Variants in OSBP2 observed in about 807,000 individuals in gnomAD.
OSBP2 encodes the protein oxysterol-binding protein 2.
In OSBP2, 66 loss-of-function variants were observed where a neutral mutation model predicts 96.0. The observed-to-expected ratio is 0.69, with a 90% CI of 0.56 to 0.84. The LOEUF is 0.84. OSBP2 is among the 40% of genes least tolerant of loss of function. The pLI is 0.00. For synonymous variants in OSBP2, 525 were observed against 520.9 expected, an observed-to-expected ratio of 1.01 and a Z score of -0.11; for missense variants, 1,038 against 1,222.7, an observed-to-expected ratio of 0.85 and a Z score of 2.25.
rs965497443 is a variant in OSBP2 at position 30,774,520 on chromosome 22, C to T, written c.853+33151C>T. The stretch of plus-strand genomic sequence containing the variant: ...AATGCTAGGAGCAAAAGGTGTGTCC[C>T]TAAACATTTCTGCCTTTTAAGAAAA... On this transcript the variant is annotated intron_variant, in intron 2 of 13. Coordinates refer to ENST00000332585, the MANE Select transcript of OSBP2 (RefSeq NM_030758.4). 5.3e-5 allele frequency among the ~76,000 whole-genome samples: 8 copies of T among 152,164 alleles called. No homozygotes were observed. The East Asian group carries it at 1.5e-3, about 29-fold the overall frequency.
chr22:30,789,255 T>C (rs1004341011), intron 2 of OSBP2, among the ~76,000 whole-genome samples: 5 of 152,182 alleles, frequency 3.3e-5, no homozygotes, highest in Non-Finnish European at 7.3e-5. Context: ...CTTCACTGTG[T>C]TGTCTCTGAG....
intron 2 of OSBP2, among the ~76,000 whole-genome samples, chr22:30,788,000 C>A (rs930243750): frequency 2.6e-5 from 4 of 152,134 alleles, no homozygotes; most frequent in Non-Finnish European, 4.4e-5. Flanking sequence ...GTAGGCAGAG[C>A]CAAGCTCCAT....
At chr22:30,892,224 G>A (rs1302449119) in intron 8 of OSBP2, among the ~76,000 whole-genome samples, 13 of 152,158 alleles carry the variant, frequency 8.5e-5, no homozygotes, top group Admixed American at 7.2e-4. Flanking sequence ...GCTGCAGAGC[G>A]TTTGGTGTGA....
chr22:30,786,974 A>G (rs1174742250), intron 2 of OSBP2, among the ~76,000 whole-genome samples: 2 of 151,778 alleles, frequency 1.3e-5, no homozygotes, highest in African/African-American at 2.4e-5. Flanking sequence ...AATTTTTTGT[A>G]TTTTTAGTAG....
intron 5 of OSBP2, among the ~76,000 whole-genome samples, chr22:30,888,640 G>A (rs2039870449): frequency 6.6e-6 from 1 of 152,138 alleles, no homozygotes; most frequent in Non-Finnish European, 1.5e-5. Context: ...AAGTGGGAGG[G>A]TCGCTTGAGC....
intron 2 of OSBP2, among the ~76,000 whole-genome samples, chr22:30,752,804 A>G (rs779685308): frequency 1.3e-5 from 2 of 152,130 alleles, no homozygotes; most frequent in Non-Finnish European, 2.9e-5. Flanking sequence ...AAAGAAATGT[A>G]TTTTCAGGTA....
chr22:30,874,045 T>A (rs954305239), intron 3 of OSBP2, among the ~76,000 whole-genome samples: 4 of 152,190 alleles, frequency 2.6e-5, no homozygotes. Flanking sequence ...AAGACCAGCA[T>A]GGCCAACATG....
At chr22:30,861,763 G>A (rs1414046639) in intron 2 of OSBP2, among the ~76,000 whole-genome samples, 1 of 152,114 alleles carries the variant, frequency 6.6e-6, no homozygotes, top group African/African-American at 2.4e-5. Context: ...TTATCTTTCT[G>A]GGTTCCCCAA....
At position 30,741,155 on chromosome 22, in the gene OSBP2, C is replaced by T. The variant is rs750115095; in HGVS notation, c.645-6C>T. Reference sequence around the variant, plus strand: ...CTCACCCCATTCCTTCTCTTACATCCTACAGAAATCAGGGTGAAATGGCCC... The same window carrying T: ...CTCACCCCATTCCTTCTCTTACATCTTACAGAAATCAGGGTGAAATGGCCC... On this transcript the variant is annotated splice_polypyrimidine_tract_variant and splice_region_variant and intron_variant, in intron 1 of 13. Coordinates refer to ENST00000332585, the MANE Select transcript of OSBP2 (RefSeq NM_030758.4). 6.2e-7 allele frequency: 1 copy of T among 1,611,510 alleles called. No homozygotes were observed. Among genetic ancestry groups the T allele is most frequent in the Non-Finnish European group, 8.5e-7 (1 of 1,177,782 alleles).
chr22:30,754,479 C>G (rs2090116927), intron 2 of OSBP2, among the ~76,000 whole-genome samples: 1 of 152,114 alleles, frequency 6.6e-6, no homozygotes, highest in African/African-American at 2.4e-5. Flanking sequence ...CTGTTTGGGG[C>G]TGAGGAGAGA....
chr22:30,834,358 A>G (rs1191590901), intron 2 of OSBP2, among the ~76,000 whole-genome samples: 1 of 152,238 alleles, frequency 6.6e-6, no homozygotes, highest in Non-Finnish European at 1.5e-5. Flanking sequence ...ACTCTTGGTT[A>G]TATACCAAGG....
At chr22:30,699,850 A>C (rs2089128327) in intron 1 of OSBP2, among the ~76,000 whole-genome samples, 1 of 152,224 alleles carries the variant, frequency 6.6e-6, no homozygotes, top group Non-Finnish European at 1.5e-5. Context: ...AATGCTCTTT[A>C]TAAATATTAT....
intron 7 of OSBP2, 104 bp downstream of exon 7, chr22:30,889,740 G>A (rs934465455): frequency 3.7e-6 from 4 of 1,088,730 alleles, no homozygotes; most frequent in Non-Finnish European, 4.1e-6. Flanking sequence ...GCCTTGGAGT[G>A]TCATTTTCTT....
At chr22:30,759,749 G>T (rs2090184814) in intron 2 of OSBP2, among the ~76,000 whole-genome samples, 1 of 152,076 alleles carries the variant, frequency 6.6e-6, no homozygotes, top group African/African-American at 2.4e-5. Context: ...AGGCCTACAT[G>T]ATTTCACAGG....
intron 12 of OSBP2, chr22:30,902,788 G>A (rs1212961341): frequency 1.7e-5 from 7 of 412,476 alleles, no homozygotes; most frequent in South Asian, 6.1e-5. Context: ...ATGAGCCTGC[G>A]GTTGGGAGGG....
chr22:30,896,583 A>G (rs1458057171), intron 12 of OSBP2, among the ~76,000 whole-genome samples: 1 of 152,200 alleles, frequency 6.6e-6, no homozygotes, highest in East Asian at 1.9e-4. Flanking sequence ...AGCATTATCA[A>G]TGATTATAAT....
Position 30,787,109 on chromosome 22 carries a change from T to A in OSBP2, c.853+45740T>A, listed in dbSNP as rs1569123655. 3.3e-5 allele frequency among the ~76,000 whole-genome samples: 5 copies of A among 152,192 alleles called. No individual in the cohort carries two copies. In the South Asian group the frequency reaches 1.0e-3, roughly 32 times the overall value. On this transcript the variant is annotated intron_variant, in intron 2 of 13. Coordinates refer to ENST00000332585, the MANE Select transcript of OSBP2 (RefSeq NM_030758.4). The stretch of plus-strand genomic sequence containing the variant: ...GACTGTGCCCGGTCAGGAAAGGTCT[T>A]ACCAGTCAGATTCTCCACCTGTGTT...
chr22:30,790,117 G>T (rs540982578), intron 2 of OSBP2, among the ~76,000 whole-genome samples: 31 of 152,184 alleles, frequency 2.0e-4, no homozygotes, highest in African/African-American at 7.0e-4. Context: ...GGGTTTTGTT[G>T]GAGTGGCCCA....
At chr22:30,763,251 C>A (rs1377176745) in intron 2 of OSBP2, among the ~76,000 whole-genome samples, 1 of 152,146 alleles carries the variant, frequency 6.6e-6, no homozygotes, top group Admixed American at 6.5e-5. Context: ...CCAAGAAGTC[C>A]CCTGCCCTGC....
Sources: gnomAD v4.1 joint callset for allele counts (sites outside exome capture counted in the v4.1 genomes callset) on GRCh38, gnomAD v4.1.1 for gene constraint, MANE v1.5 for transcripts, NCBI Gene and HGNC (gene_info 2026-07-23, HGNC 2026-07-21) for gene names.